The following ACSS3 variants were observed in gnomAD, a reference collection of about 807,000 sequenced individuals.
ACSS3 encodes the protein acyl-CoA synthetase short-chain family member 3, mitochondrial.
ACSS3 carries 64 observed loss-of-function variants against 84.2 expected under a neutral mutation model. That is an observed-to-expected ratio of 0.76 (90% CI 0.62 to 0.94). The LOEUF (loss-of-function observed/expected upper bound fraction) is 0.94. ACSS3 is among the 40% of genes least tolerant of loss of function. The probability of loss-of-function intolerance (pLI) is 0.00; values close to 1 mark genes in which losing one functional copy is unlikely to be tolerated. For synonymous variants in ACSS3, 317 were observed against 310.1 expected (o/e 1.02, Z -0.23); for missense variants, 815 against 867.6 (o/e 0.94, Z 0.76).
chr12:81,187,164 C>T (rs1049342844), intron 8 of ACSS3, among the ~76,000 whole-genome samples: 4 of 150,042 alleles, frequency 2.7e-5, no homozygotes, highest in African/African-American at 4.9e-5. Context: ...AAAAAAAAAT[C>T]AAAAATACAG....
intron 7 of ACSS3, among the ~76,000 whole-genome samples, chr12:81,161,832 T>C (rs1490534198): frequency 7.2e-6 from 1 of 138,106 alleles, no homozygotes; most frequent in African/African-American, 2.5e-5. Flanking sequence ...GTCCAGCCAC[T>C]GCACACAGTC....
At chr12:81,170,369 T>C (rs1403365682) in intron 7 of ACSS3, among the ~76,000 whole-genome samples, 1 of 152,166 alleles carries the variant, frequency 6.6e-6, no homozygotes, top group African/African-American at 2.4e-5. Flanking sequence ...GTAACTGTTT[T>C]GGTTTCTGTG....
chr12:81,213,974 T>TCTTTCTTTCTTC (rs2032791229), intron 9 of ACSS3, among the ~76,000 whole-genome samples: 1 of 32,624 alleles, frequency 3.1e-5, no homozygotes, highest in East Asian at 3.8e-4. Flanking sequence ...TTTCTTTCTT[T>TCTTTCTTTCTTC]CTTTCTTTCT....
chr12:81,253,206 T>G (rs1308276225), intron 13 of ACSS3, 101 bp from the exon 14 acceptor site: 1 of 1,265,656 alleles, frequency 7.9e-7, no homozygotes, highest in African/African-American at 1.5e-5. Flanking sequence ...CAACTGAAAT[T>G]ATATGTGTTT....
intron 2 of ACSS3, among the ~76,000 whole-genome samples, chr12:81,116,353 T>A (rs1884044888): frequency 6.6e-6 from 1 of 152,082 alleles, no homozygotes; most frequent in Admixed American, 6.6e-5. Context: ...TTTCCTAGTT[T>A]CCCCATTTAT....
chr12:81,122,619 AAT>A (rs1884726122), intron 2 of ACSS3, among the ~76,000 whole-genome samples: 1 of 152,154 alleles, frequency 6.6e-6, no homozygotes, highest in African/African-American at 2.4e-5. Flanking sequence ...TGTTGAATTG[AAT>A]AGTCTTTTTT....
At chr12:81,152,161 A>C (rs1886642777) in intron 7 of ACSS3, 65 bp downstream of exon 7, 1 of 1,357,926 alleles carries the variant, frequency 7.4e-7, no homozygotes, top group East Asian at 2.5e-5. Flanking sequence ...TTCATGAAGC[A>C]GTCCTGAGTA....
chr12:81,110,861 T>C (rs1565981315), intron 2 of ACSS3, among the ~76,000 whole-genome samples: 1 of 152,220 alleles, frequency 6.6e-6, no homozygotes, highest in Non-Finnish European at 1.5e-5. Context: ...TTGTATTCTC[T>C]CCTTTTGCTT....
intron 13 of ACSS3, among the ~76,000 whole-genome samples, chr12:81,244,727 T>C (rs993881752): frequency 6.6e-5 from 10 of 152,204 alleles, no homozygotes; most frequent in Non-Finnish European, 1.3e-4. Context: ...AAATTCTTTC[T>C]TAGAATTTTA....
intron 8 of ACSS3, among the ~76,000 whole-genome samples, chr12:81,189,582 T>C (rs1173196945): frequency 6.6e-6 from 1 of 152,146 alleles, no homozygotes; most frequent in Non-Finnish European, 1.5e-5. Context: ...GAGTTTTTCA[T>C]ACTTTATTTT....
At position 81,134,618 on chromosome 12, in the gene ACSS3, G is replaced by T. The variant is rs561229540; in HGVS notation, c.457-198G>T. ...TATGTGACATAATAATAGTAGGTTG[G>T]TTTATAATCAATGATTATAATACAA... On this transcript the variant is annotated intron_variant, in intron 2 of 15. Transcript: ENST00000548058. Among the ~76,000 whole-genome samples, 21 of 152,108 alleles carry T rather than the reference G, an allele frequency of 1.4e-4. No homozygotes were observed. In the East Asian group the frequency reaches 3.7e-3, roughly 27 times the overall value.
rs148089009 is a variant in ACSS3 at position 81,212,224 on chromosome 12, G to T, written c.1355-4677G>T. Among the ~76,000 whole-genome samples, 560 of 152,298 alleles carry T rather than the reference G, an allele frequency of 3.7e-3. 5 individuals are homozygous for T. The highest frequency in any genetic ancestry group is 0.013 in the African/African-American group (539 of 41,550). On this transcript the variant is annotated intron_variant, in intron 9 of 15. Transcript: ENST00000548058. ...ATGTTGTTCATTATCTCCCCAGTTAGAAATTGGGAGGTCTCCATGCGGGTA... is the reference window on the plus strand; with the variant it reads ...ATGTTGTTCATTATCTCCCCAGTTATAAATTGGGAGGTCTCCATGCGGGTA...
At chr12:81,250,149 C>A (rs1352907615) in intron 13 of ACSS3, among the ~76,000 whole-genome samples, 2 of 151,758 alleles carry the variant, frequency 1.3e-5, no homozygotes, top group Non-Finnish European at 2.9e-5. Flanking sequence ...GATATTTTTC[C>A]CCCCATAGGA....
chr12:81,190,421 C>G (rs1402203499), intron 8 of ACSS3, among the ~76,000 whole-genome samples: 1 of 151,812 alleles, frequency 6.6e-6, no homozygotes, highest in African/African-American at 2.4e-5. Flanking sequence ...ATTGTTTGGT[C>G]CTGATATAAC....
chr12:81,094,921 C>G (rs1174432317), intron 1 of ACSS3, among the ~76,000 whole-genome samples: 1 of 152,178 alleles, frequency 6.6e-6, no homozygotes, highest in Non-Finnish European at 1.5e-5. Flanking sequence ...GGGTCCTCCT[C>G]CCCTGCATCG....
At chr12:81,174,518 A>G in intron 7 of ACSS3, 1 of 286,284 alleles carries the variant, frequency 3.5e-6, no homozygotes, top group Non-Finnish European at 6.4e-6. Flanking sequence ...TGAATGTGGT[A>G]TGTATTTTTA....
intron 2 of ACSS3, among the ~76,000 whole-genome samples, chr12:81,111,096 G>A (rs1423036570): frequency 6.6e-6 from 1 of 152,100 alleles, no homozygotes; most frequent in Non-Finnish European, 1.5e-5. Flanking sequence ...CCTGGTTGTA[G>A]CAACAAATTC....
rs111641450 is a variant in ACSS3 at position 81,083,358 on chromosome 12, C to CTTTTTTT, written c.311+4933_311+4939dup. Among the ~76,000 whole-genome samples the CTTTTTTT allele has an allele frequency of 7.1e-5, 10 of 140,324 alleles. 1 individual carries two copies. The highest frequency in any genetic ancestry group is 7.8e-5 in the African/African-American group (3 of 38,626). The allele number at this position is 140,324 out of a possible 152,430, so 92.1% of individuals were successfully genotyped here. A position where few individuals can be genotyped will look rare whatever the true frequency, so the allele number is the denominator to read the frequency against. ...TCCTGTAAAAAATTCAGCTTTTGGTCTTTTTTTTTTTTCTTTTGAGACGGA... is the reference window on the plus strand; with the variant it reads ...TCCTGTAAAAAATTCAGCTTTTGGTCTTTTTTTTTTTTTTTTTTTCTTTTGAGACGGA... On this transcript the variant is annotated intron_variant, in intron 1 of 15. Coordinates refer to ENST00000548058, the MANE Select transcript of ACSS3 (RefSeq NM_024560.4).
At chr12:81,191,715 T>C (rs2031577726) in intron 8 of ACSS3, among the ~76,000 whole-genome samples, 1 of 152,204 alleles carries the variant, frequency 6.6e-6, no homozygotes, top group Non-Finnish European at 1.5e-5. Flanking sequence ...TAAACTTTGA[T>C]ACTTTAATGA....
Sources: allele counts gnomAD v4.1 joint callset (sites outside exome capture counted in the v4.1 genomes callset), GRCh38; gene constraint gnomAD v4.1.1; transcripts MANE v1.5; gene names NCBI Gene and HGNC (gene_info 2026-07-23, HGNC 2026-07-21).